CLPB: variants seen among roughly 807,000 people sequenced by gnomAD.
The protein encoded by CLPB is mitochondrial disaggregase.
In CLPB, 40 loss-of-function variants were observed where a neutral mutation model predicts 78.4. The observed-to-expected ratio is 0.51, with a 90% CI of 0.40 to 0.66. The LOEUF (loss-of-function observed/expected upper bound fraction) is 0.66. Among genes scored for constraint, CLPB ranks in the 30% least tolerant of loss-of-function variants. CLPB has a pLI of 0.00. For missense variants in CLPB, 780 were observed against 886.9 expected (o/e 0.88, Z 1.53); for synonymous variants, 333 against 348.0 (o/e 0.96, Z 0.48).
chr11:72,367,098 T>C (rs1474146550), intron 4 of CLPB, among the ~76,000 whole-genome samples: 2 of 152,214 alleles, frequency 1.3e-5, no homozygotes, highest in African/African-American at 4.8e-5. Context: ...TGGATGCAGC[T>C]AGAAGCCATC....
intron 5 of CLPB, among the ~76,000 whole-genome samples, chr11:72,334,752 G>A (rs900897606): frequency 1.3e-5 from 2 of 152,350 alleles, no homozygotes; most frequent in African/African-American, 4.8e-5. Flanking sequence ...ATGGAGGTGG[G>A]GAATGCTAAT....
intron 4 of CLPB, chr11:72,372,848 A>G (rs1951069059): frequency 1.5e-6 from 2 of 1,312,262 alleles, no homozygotes; most frequent in East Asian, 2.3e-5. Flanking sequence ...ATACTGAGTA[A>G]AAGAGATAGT....
chr11:72,415,569 T>C (rs1855999017), intron 2 of CLPB, among the ~76,000 whole-genome samples: 1 of 152,240 alleles, frequency 6.6e-6, no homozygotes, highest in Non-Finnish European at 1.5e-5. Flanking sequence ...CCACCACCAC[T>C]ACTTTCACAT....
At chr11:72,434,002 C>T in intron 1 of CLPB, 70 bp downstream of exon 1, 1 of 1,539,280 alleles carries the variant, frequency 6.5e-7, no homozygotes, top group Non-Finnish European at 8.8e-7. Flanking sequence ...GTACCTCCCA[C>T]CCTCCTAAGA....
At chr11:72,296,822 C>T (rs1432689897) in intron 11 of CLPB, among the ~76,000 whole-genome samples, 1 of 152,140 alleles carries the variant, frequency 6.6e-6, no homozygotes, top group African/African-American at 2.4e-5. Flanking sequence ...CTGGAATCTT[C>T]ACATCCACCC....
intron 9 of CLPB, among the ~76,000 whole-genome samples, chr11:72,305,154 A>G (rs924043555): frequency 2.6e-5 from 4 of 152,282 alleles, no homozygotes; most frequent in East Asian, 1.9e-4. Flanking sequence ...CAAGTTTCCA[A>G]TCCAGCTTCC....
intron 3 of CLPB, among the ~76,000 whole-genome samples, chr11:72,396,013 G>T (rs1405757563): frequency 1.3e-5 from 2 of 152,098 alleles, no homozygotes; most frequent in African/African-American, 2.4e-5. Context: ...TTAAAGAAAG[G>T]GTTTAATGCA....
At chr11:72,360,520 A>G (rs1950817035) in intron 4 of CLPB, among the ~76,000 whole-genome samples, 8 of 151,778 alleles carry the variant, frequency 5.3e-5, no homozygotes, top group Admixed American at 5.3e-4. Flanking sequence ...GGCTCAATGC[A>G]GCCTCTACCT....
chr11:72,330,710 C>T (rs1473934920), intron 5 of CLPB, among the ~76,000 whole-genome samples: 3 of 152,160 alleles, frequency 2.0e-5, no homozygotes, highest in Non-Finnish European at 4.4e-5. Context: ...TGGCCCTGCC[C>T]TTTAGGGAAG....
intron 2 of CLPB, among the ~76,000 whole-genome samples, chr11:72,405,385 G>A (rs1384447353): frequency 6.6e-6 from 1 of 152,200 alleles, no homozygotes; most frequent in Non-Finnish European, 1.5e-5. Flanking sequence ...GGGCTCTTTT[G>A]TGACTACGAT....
At chr11:72,360,264 C>T (rs1048763946) in intron 4 of CLPB, among the ~76,000 whole-genome samples, 3 of 152,222 alleles carry the variant, frequency 2.0e-5, no homozygotes, top group Non-Finnish European at 4.4e-5. Context: ...CCTCTTACCT[C>T]TCACTGGATA....
chr11:72,406,906 G>A (rs1565086583), intron 2 of CLPB, among the ~76,000 whole-genome samples: 1 of 151,700 alleles, frequency 6.6e-6, no homozygotes. Context: ...GTGTAGGTAC[G>A]TGTGTGTGTG....
chr11:72,327,385 A>C (rs1031120961), intron 6 of CLPB, among the ~76,000 whole-genome samples: 1 of 152,166 alleles, frequency 6.6e-6, no homozygotes, highest in Admixed American at 6.5e-5. Flanking sequence ...GTCTACTTCG[A>C]ATATGGTGTC....
intron 2 of CLPB, among the ~76,000 whole-genome samples, chr11:72,422,856 C>G (rs995420681): frequency 7.2e-5 from 11 of 152,220 alleles, no homozygotes; most frequent in African/African-American, 2.7e-4. Flanking sequence ...TTTACCTATG[C>G]TGTAACTAAG....
At chr11:72,432,353 C>T (rs896857713) in intron 1 of CLPB, among the ~76,000 whole-genome samples, 1 of 152,166 alleles carries the variant, frequency 6.6e-6, no homozygotes, top group Admixed American at 6.5e-5. Context: ...AGAGAAGATA[C>T]ATTTCCTGCT....
At chr11:72,424,796 G>C (rs1459519784) in intron 2 of CLPB, among the ~76,000 whole-genome samples, 1 of 152,066 alleles carries the variant, frequency 6.6e-6, no homozygotes, top group Non-Finnish European at 1.5e-5. Flanking sequence ...TGAGGCAGGA[G>C]AATGGCATGA....
intron 5 of CLPB, among the ~76,000 whole-genome samples, chr11:72,348,560 G>A (rs1250555990): frequency 6.6e-6 from 1 of 152,052 alleles, no homozygotes; most frequent in African/African-American, 2.4e-5. Context: ...GTCCTTCTAG[G>A]TCTGGCTCTG....
rs1949386564 is a variant in CLPB at position 72,286,223 on chromosome 11, G to GTTTTTGTTTTTTTT, written c.*7143_*7144insAAAAAAAACAAAAA. On this transcript the variant is annotated 3_prime_UTR_variant, in exon 16 of 16. Coordinates refer to ENST00000538039, the MANE Select transcript of CLPB (RefSeq NM_001258392.3). ...ATTACAGGTGTGAGATACTGCACCT[G>GTTTTTGTTTTTTTT]TTTTTTTTTTTTTTTTTTTTTTTAA... 1 of 60,450 alleles carries GTTTTTGTTTTTTTT rather than the reference G, an allele frequency of 1.7e-5. No homozygotes were observed. Among genetic ancestry groups the GTTTTTGTTTTTTTT allele is most frequent in the Non-Finnish European group, 3.1e-5 (1 of 32,212 alleles). 3.7% of individuals were successfully genotyped at this position (60,450 alleles called of 1,614,324 possible).
rs549961926 is a variant in CLPB, at chr11:72,383,373, A to G, written c.543-2989T>C. On this transcript the variant is annotated intron_variant, in intron 3 of 15. Coordinates refer to ENST00000538039, the MANE Select transcript of CLPB (RefSeq NM_001258392.3). ...CCCCGTCTCTACTAAAAAATAAAAA[A>G]TAAAAAAATTAGCCAGGCGTGGTGG... Among the ~76,000 whole-genome samples the G allele has an allele frequency of 8.9e-4, 136 of 151,996 alleles. 1 individual carries two copies. The highest frequency in any genetic ancestry group is 6.8e-3 in the Middle Eastern group (2 of 294).
Sources: allele counts gnomAD v4.1 joint callset (sites outside exome capture counted in the v4.1 genomes callset), GRCh38; gene constraint gnomAD v4.1.1; transcripts MANE v1.5; gene names NCBI Gene and HGNC (gene_info 2026-07-23, HGNC 2026-07-21).